Variants in PILRA observed in about 807,000 individuals in gnomAD.
PILRA encodes the protein paired immunoglobin like type 2 receptor alpha, also known as paired immunoglobulin-like type 2 receptor alpha.
PILRA carries 37 observed loss-of-function variants against 33.1 expected under a neutral mutation model. The ratio of observed to expected loss-of-function variants is 1.12; its 90% CI spans 0.86 to 1.47. PILRA has a LOEUF of 1.47. Among genes scored for constraint, PILRA ranks in the 40% most tolerant of loss-of-function variants. The pLI is 0.00. For synonymous variants in PILRA, 146 were observed against 149.9 expected, an observed-to-expected ratio of 0.97 and a Z score of 0.19; for missense variants, 312 against 376.2, an observed-to-expected ratio of 0.83 and a Z score of 1.41.
At chr7:100,386,312 T>C (rs1183341767) in intron 2 of PILRA, among the ~76,000 whole-genome samples, 5 of 152,154 alleles carry the variant, frequency 3.3e-5, no homozygotes, top group Admixed American at 2.0e-4. Context: ...ATGCATCCCA[T>C]GGTAGTGATG....
At chr7:100,381,807 G>A (rs1472455017) in intron 2 of PILRA, among the ~76,000 whole-genome samples, 1 of 152,226 alleles carries the variant, frequency 6.6e-6, no homozygotes, top group African/African-American at 2.4e-5. Context: ...TGGGCTTGGC[G>A]GGCCCCGCAC....
chr7:100,387,711 A>G (rs1475078936), intron 2 of PILRA, among the ~76,000 whole-genome samples: 1 of 152,166 alleles, frequency 6.6e-6, no homozygotes, highest in Non-Finnish European at 1.5e-5. Context: ...AAAACCCAAA[A>G]GACACCCATT....
chr7:100,397,814 AGAAGGTGG>A (rs1395717397), intron 3 of PILRA, 57 bp from the exon 4 acceptor site: 1 of 1,537,270 alleles, frequency 6.5e-7, no homozygotes, highest in Non-Finnish European at 9.0e-7. Flanking sequence ...GGCGCAGCAG[AGAAGGTGG>A]GATGGAGACT....
chr7:100,383,999 G>C (rs1343990026), intron 2 of PILRA, among the ~76,000 whole-genome samples: 1 of 152,152 alleles, frequency 6.6e-6, no homozygotes, highest in South Asian at 2.1e-4. Context: ...ATAGGTGAGC[G>C]AAGTCAGAAG....
chr7:100,383,987 T>A (rs1369991466), intron 2 of PILRA, among the ~76,000 whole-genome samples: 2 of 151,688 alleles, frequency 1.3e-5, no homozygotes, highest in African/African-American at 2.4e-5. Flanking sequence ...GAGGAAAAAA[T>A]TATAGGTGAG....
chr7:100,397,625 A>G (rs1421706959), intron 3 of PILRA, among the ~76,000 whole-genome samples: 1 of 152,082 alleles, frequency 6.6e-6, no homozygotes, highest in East Asian at 1.9e-4. Flanking sequence ...CAGAGAGCTC[A>G]AGAGAGAAAG....
In PILRA at chr7:100,374,274, C is replaced by A. The variant is rs1790893372; in HGVS notation, c.295C>A (p.Leu99Met). ...CAAGGATTATGTGAACCGGCTCTTTCTGAACTGGACAGAGGGTCAGAAGAG... is the reference window on the plus strand; with the variant it reads ...CAAGGATTATGTGAACCGGCTCTTTATGAACTGGACAGAGGGTCAGAAGAG... ...IHKDYVNRLF[L>M]NWTEGQKSGF... Residue 99 changes from leucine (L) to methionine (M), a missense_variant, in exon 2 of 7, where the codon CTG (leucine) becomes ATG (methionine). Leu to Met is a conservative substitution (Grantham distance 15, BLOSUM62 2). Transcript: ENST00000198536. The A allele has an allele frequency of 1.2e-6, 2 of 1,614,042 alleles. No individual in the cohort carries two copies. Among genetic ancestry groups the A allele is most frequent in the African/African-American group, 2.7e-5 (2 of 74,904 alleles).
intron 2 of PILRA, among the ~76,000 whole-genome samples, chr7:100,383,933 G>A (rs899451225): frequency 2.0e-5 from 3 of 152,124 alleles, no homozygotes; most frequent in Admixed American, 6.5e-5. Flanking sequence ...CTCCATGCCC[G>A]GCCCCAACTC....
At chr7:100,397,996 A>C (rs1433854391) in intron 4 of PILRA, 84 bp downstream of exon 4, 1 of 1,392,626 alleles carries the variant, frequency 7.2e-7, no homozygotes, top group African/African-American at 1.4e-5. Flanking sequence ...GTGTGCTGCT[A>C]AGAACCCCAC....
intron 2 of PILRA, among the ~76,000 whole-genome samples, chr7:100,386,396 T>G (rs940786524): frequency 2.0e-5 from 3 of 151,942 alleles, no homozygotes; most frequent in African/African-American, 7.3e-5. Context: ...CCCAACTATT[T>G]GGGAGGCTGA....
At chr7:100,374,812 T>G in intron 2 of PILRA, 1 of 317,466 alleles carries the variant, frequency 3.1e-6, no homozygotes, top group Non-Finnish European at 6.2e-6. Flanking sequence ...ACCCGCTCTT[T>G]GTCATGTGTC....
At chr7:100,389,621 AGAAG>A (rs1312999315) in intron 2 of PILRA, among the ~76,000 whole-genome samples, 1 of 151,590 alleles carries the variant, frequency 6.6e-6, no homozygotes, top group Admixed American at 6.6e-5. Flanking sequence ...AATGAAGGAA[AGAAG>A]GAAGGAGGGA....
intron 2 of PILRA, among the ~76,000 whole-genome samples, chr7:100,389,523 G>A (rs778475992): frequency 5.3e-5 from 8 of 151,740 alleles, no homozygotes; most frequent in African/African-American, 1.7e-4. Context: ...GTATAGAATC[G>A]GATTTAAACT....
chr7:100,381,444 C>CAAA (rs60123996), intron 2 of PILRA, among the ~76,000 whole-genome samples: 6 of 82,044 alleles, frequency 7.3e-5, no homozygotes, highest in African/African-American at 1.4e-4. Context: ...GATCCTGACT[C>CAAA]AAAAAAAAAA....
intron 2 of PILRA, among the ~76,000 whole-genome samples, chr7:100,382,217 G>A (rs1471572750): frequency 6.6e-6 from 1 of 152,192 alleles, no homozygotes; most frequent in Admixed American, 6.5e-5. Context: ...GGGACTTGGA[G>A]AAACCTTTAT....
chr7:100,376,479 A>AGT (rs1320546938), intron 2 of PILRA: 1 of 140,904 alleles, frequency 7.1e-6, no homozygotes, highest in Non-Finnish European at 1.6e-5. Flanking sequence ...AAGAGAAAAA[A>AGT]GTGTTTTTTT....
At chr7:100,375,686 C>T (rs1339669167) in intron 2 of PILRA, among the ~76,000 whole-genome samples, 2 of 152,104 alleles carry the variant, frequency 1.3e-5, no homozygotes, top group Non-Finnish European at 2.9e-5. Flanking sequence ...GAGCTGAGAT[C>T]GAGCAACTGC....
At chr7:100,390,771 A>T (rs1791374191) in intron 3 of PILRA, among the ~76,000 whole-genome samples, 1 of 152,070 alleles carries the variant, frequency 6.6e-6, no homozygotes, top group African/African-American at 2.4e-5. Flanking sequence ...GGGTGGAGGA[A>T]ACCATTCCAG....
At chr7:100,375,656 G>A (rs1270487048) in intron 2 of PILRA, among the ~76,000 whole-genome samples, 1 of 152,122 alleles carries the variant, frequency 6.6e-6, no homozygotes, top group Non-Finnish European at 1.5e-5. Context: ...CACTTGAACC[G>A]GGGAGGTGGA....
Sources: allele counts gnomAD v4.1 joint callset (sites outside exome capture counted in the v4.1 genomes callset), GRCh38; gene constraint gnomAD v4.1.1; transcripts MANE v1.5; gene names NCBI Gene and HGNC (gene_info 2026-07-23, HGNC 2026-07-21).